Variants in EPB41L4A observed in about 807,000 individuals in gnomAD.
EPB41L4A encodes the protein band 4.1-like protein 4A.
Under a neutral mutation model 108.6 loss-of-function variants are expected in EPB41L4A, and 100 were observed. The ratio of observed to expected loss-of-function variants is 0.92; its 90% CI spans 0.78 to 1.09. EPB41L4A has a LOEUF of 1.09. Among genes scored for constraint, EPB41L4A ranks in the 50% least tolerant of loss-of-function variants. EPB41L4A has a pLI of 0.00. For missense variants in EPB41L4A, 1,030 were observed against 842.7 expected (o/e 1.22, Z -2.75); for synonymous variants, 319 against 289.0 (o/e 1.10, Z -1.05).
At chr5:112,146,061 G>T in intron 12 of EPB41L4A, 1 of 448,982 alleles carries the variant, frequency 2.2e-6, no homozygotes, top group Non-Finnish European at 4.5e-6. Context: ...CATGAAGTAG[G>T]TGCTACTGCC....
At chr5:112,168,867 A>G (rs1290698861) in intron 21 of EPB41L4A, 47 bp from the exon 22 acceptor site, 1 of 1,552,454 alleles carries the variant, frequency 6.4e-7, no homozygotes, top group Admixed American at 1.7e-5. Context: ...AGTATCTAGA[A>G]TCATAAATTA....
chr5:112,194,722 G>T, intron 16 of EPB41L4A, 77 bp from the exon 17 acceptor site: 1 of 861,572 alleles, frequency 1.2e-6, no homozygotes. Flanking sequence ...GGTTTATATG[G>T]GTCCTCTGGA....
chr5:112,293,243 A>G (rs547365981), intron 2 of EPB41L4A, among the ~76,000 whole-genome samples: 2 of 151,504 alleles, frequency 1.3e-5, no homozygotes, highest in African/African-American at 4.9e-5. Flanking sequence ...AAATTCAGGG[A>G]TACAGGTACA....
chr5:112,339,487 T>TATCTAGATATATAG (rs1757136597), intron 1 of EPB41L4A, among the ~76,000 whole-genome samples: 2 of 28,906 alleles, frequency 6.9e-5, no homozygotes, highest in African/African-American at 1.7e-4. Flanking sequence ...TATATATATA[T>TATCTAGATATATAG]ATATATATCT....
intron 1 of EPB41L4A, among the ~76,000 whole-genome samples, chr5:112,313,094 C>T (rs1314157869): frequency 6.6e-6 from 1 of 152,146 alleles, no homozygotes; most frequent in East Asian, 1.9e-4. Flanking sequence ...GAAAAGTACA[C>T]TAATAAATGC....
chr5:112,371,888 C>T (rs1759520150), intron 1 of EPB41L4A, among the ~76,000 whole-genome samples: 1 of 152,062 alleles, frequency 6.6e-6, no homozygotes, highest in African/African-American at 2.4e-5. Context: ...ACATTATATT[C>T]TAGTAGAGGA....
chr5:112,257,599 T>G (rs1177394624), intron 9 of EPB41L4A, among the ~76,000 whole-genome samples: 1 of 152,218 alleles, frequency 6.6e-6, no homozygotes, highest in Non-Finnish European at 1.5e-5. Flanking sequence ...GCTGGGACTT[T>G]GCCAAATATT....
At chr5:112,148,861 T>C (rs2112796764) in intron 12 of EPB41L4A, among the ~76,000 whole-genome samples, 1 of 152,318 alleles carries the variant, frequency 6.6e-6, no homozygotes, top group South Asian at 2.1e-4. Flanking sequence ...CTCTGCTGAT[T>C]TGGGATATTT....
chr5:112,295,139 T>G (rs1330363131), intron 2 of EPB41L4A, among the ~76,000 whole-genome samples: 1 of 152,204 alleles, frequency 6.6e-6, no homozygotes, highest in East Asian at 1.9e-4. Flanking sequence ...ACAGTGTCCC[T>G]TTTCACTCTC....
At chr5:112,346,153 A>G (rs370796690) in intron 1 of EPB41L4A, among the ~76,000 whole-genome samples, 3 of 149,228 alleles carry the variant, frequency 2.0e-5, no homozygotes, top group African/African-American at 7.3e-5. Context: ...AGATATAACC[A>G]TATGTTGTAA....
At chr5:112,288,680 T>C (rs916429347) in intron 2 of EPB41L4A, among the ~76,000 whole-genome samples, 12 of 152,322 alleles carry the variant, frequency 7.9e-5, no homozygotes, top group African/African-American at 2.4e-4. Flanking sequence ...GGTTATCCTA[T>C]GCATGTTCCA....
rs201814417 is a variant in EPB41L4A, at chr5:112,239,659, C to T, written c.965+1G>A. ...CCCCCAAGGAAAAAAATGTCATTTA[C>T]CTGTAGCGGTGCTTATAACGTATGG... On this transcript the variant is annotated splice_donor_variant, in intron 11 of 22. Coordinates refer to ENST00000261486, the MANE Select transcript of EPB41L4A (RefSeq NM_022140.5). LOFTEE classifies it high-confidence loss of function. 1 of 1,589,984 alleles carries T rather than the reference C, an allele frequency of 6.3e-7. No homozygotes were observed. The highest frequency in any genetic ancestry group is 1.1e-5 in the South Asian group (1 of 87,436).
intron 3 of EPB41L4A, 114 bp from the exon 4 acceptor site, chr5:112,275,518 A>AT: frequency 1.6e-6 from 2 of 1,249,710 alleles, no homozygotes; most frequent in Non-Finnish European, 2.1e-6. Flanking sequence ...AAGAAACAAG[A>AT]AAACATAAGA....
chr5:112,389,721 G>A (rs1159995466), intron 1 of EPB41L4A, among the ~76,000 whole-genome samples: 1 of 152,148 alleles, frequency 6.6e-6, no homozygotes, highest in African/African-American at 2.4e-5. Context: ...TCTACTTATG[G>A]AAGGGTTGCC....
chr5:112,288,351 G>C (rs1181618524), intron 2 of EPB41L4A, among the ~76,000 whole-genome samples: 1 of 152,188 alleles, frequency 6.6e-6, no homozygotes, highest in Non-Finnish European at 1.5e-5. Context: ...AGCTTGGGCT[G>C]AAAGGGACAG....
chr5:112,145,380 T>C (rs925245960), intron 13 of EPB41L4A, among the ~76,000 whole-genome samples: 3 of 152,226 alleles, frequency 2.0e-5, no homozygotes, highest in African/African-American at 7.2e-5. Context: ...TGCTGACTTG[T>C]CAATGACAGA....
At chr5:112,359,975 G>A (rs1258871727) in intron 1 of EPB41L4A, among the ~76,000 whole-genome samples, 2 of 152,288 alleles carry the variant, frequency 1.3e-5, no homozygotes, top group South Asian at 4.1e-4. Context: ...TATAATTACT[G>A]ACGTGTATGT....
At chr5:112,251,603 C>T (rs997085725) in intron 9 of EPB41L4A, among the ~76,000 whole-genome samples, 5 of 152,026 alleles carry the variant, frequency 3.3e-5, no homozygotes, top group African/African-American at 4.8e-5. Context: ...CAAAAAGAAA[C>T]ACAGGGAGGA....
chr5:112,252,558 C>T (rs948704470), intron 9 of EPB41L4A, among the ~76,000 whole-genome samples: 1 of 152,144 alleles, frequency 6.6e-6, no homozygotes, highest in African/African-American at 2.4e-5. Context: ...CAAATGTGAA[C>T]AGCAAAATAG....
Sources: gnomAD v4.1 joint callset for allele counts (sites outside exome capture counted in the v4.1 genomes callset) on GRCh38, gnomAD v4.1.1 for gene constraint, MANE v1.5 for transcripts, NCBI Gene and HGNC (gene_info 2026-07-23, HGNC 2026-07-21) for gene names.